MATN2: variants seen among roughly 807,000 people sequenced by gnomAD.
The protein encoded by MATN2 is matrilin 2.
MATN2 carries 69 observed loss-of-function variants against 103.2 expected under a neutral mutation model. The ratio of observed to expected loss-of-function variants is 0.67; its 90% confidence interval spans 0.55 to 0.82. The LOEUF (loss-of-function observed/expected upper bound fraction) is 0.82. Ranked by LOEUF, MATN2 falls within the 40% of genes least tolerant of loss-of-function variation. The pLI is 0.00. For missense variants in MATN2, 1,023 were observed against 1,211.5 expected (o/e 0.84, Z 2.31); for synonymous variants, 429 against 450.2 (o/e 0.95, Z 0.60).
intron 2 of MATN2, among the ~76,000 whole-genome samples, chr8:97,899,246 G>T (rs1320330192): frequency 6.6e-6 from 1 of 152,132 alleles, no homozygotes; most frequent in African/African-American, 2.4e-5. Flanking sequence ...CTGCTTAATT[G>T]TCTGTGTAGT....
At chr8:98,018,814 G>A (rs1813467791) in intron 12 of MATN2, among the ~76,000 whole-genome samples, 1 of 152,042 alleles carries the variant, frequency 6.6e-6, no homozygotes, top group Non-Finnish European at 1.5e-5. Flanking sequence ...CAACACGTGG[G>A]AATTGTGGGA....
chr8:97,922,096 G>A (rs1324824717), intron 2 of MATN2, among the ~76,000 whole-genome samples: 1 of 152,118 alleles, frequency 6.6e-6, no homozygotes, highest in Non-Finnish European at 1.5e-5. Context: ...AGGTGAAACA[G>A]TCCCCCTCTT....
At chr8:98,015,508 C>A (rs1813329750) in intron 10 of MATN2, among the ~76,000 whole-genome samples, 1 of 152,208 alleles carries the variant, frequency 6.6e-6, no homozygotes, top group Non-Finnish European at 1.5e-5. Context: ...CCAAGCAGCT[C>A]CCGTTGCTGC....
intron 2 of MATN2, among the ~76,000 whole-genome samples, chr8:97,911,193 A>G (rs1274427204): frequency 6.6e-6 from 1 of 151,488 alleles, no homozygotes; most frequent in Non-Finnish European, 1.5e-5. Flanking sequence ...GGGTCTCACC[A>G]TATTGGCCAG....
chr8:97,911,163 T>TG (rs1451744810), intron 2 of MATN2, among the ~76,000 whole-genome samples: 8 of 149,206 alleles, frequency 5.4e-5, no homozygotes, highest in African/African-American at 2.0e-4. Context: ...TAATTTTTTT[T>TG]TGTATTTTCG....
intron 1 of MATN2, among the ~76,000 whole-genome samples, chr8:97,872,718 C>T (rs1817937302): frequency 1.3e-5 from 2 of 152,104 alleles, no homozygotes; most frequent in East Asian, 1.9e-4. Context: ...GTGTCTCCCT[C>T]TTACAAAACC....
At chr8:97,990,612 T>A (rs1344660116) in intron 6 of MATN2, among the ~76,000 whole-genome samples, 1 of 152,304 alleles carries the variant, frequency 6.6e-6, no homozygotes, top group South Asian at 2.1e-4. Flanking sequence ...TGTGGTATAA[T>A]CACATAGTGA....
At chr8:97,981,682 A>T (rs570160019) in intron 6 of MATN2, among the ~76,000 whole-genome samples, 5 of 152,246 alleles carry the variant, frequency 3.3e-5, no homozygotes, top group African/African-American at 1.2e-4. Context: ...GGAGAAAAAC[A>T]CATATCCTAG....
In MATN2 at chr8:97,895,606, T is replaced by C. The variant is rs1818783125; in HGVS notation, c.142+7364T>C. Among the ~76,000 whole-genome samples, 3 of 152,188 alleles carry C rather than the reference T, an allele frequency of 2.0e-5. No individual in the cohort carries two copies. The South Asian group carries it at 6.2e-4, about 31-fold the overall frequency. ...AATAGTGATACTTACCTCAGAGGGA[T>C]TCACATTTTAGCTATTTTTGCACTT... On this transcript the variant is annotated intron_variant, in intron 2 of 18. Coordinates refer to ENST00000254898, the MANE Select transcript of MATN2 (RefSeq NM_002380.5).
At chr8:97,933,868 C>T (rs1428399693) in intron 3 of MATN2, among the ~76,000 whole-genome samples, 1 of 152,164 alleles carries the variant, frequency 6.6e-6, no homozygotes, top group African/African-American at 2.4e-5. Flanking sequence ...TTATCAACTT[C>T]ATGGTAAAGA....
intron 1 of MATN2, among the ~76,000 whole-genome samples, chr8:97,880,766 T>C (rs1818228472): frequency 1.3e-5 from 2 of 152,188 alleles, no homozygotes; most frequent in Admixed American, 1.3e-4. Context: ...AAAATCCTGC[T>C]ACAATGGGAT....
chr8:97,996,213 T>C (rs368185745), intron 7 of MATN2, among the ~76,000 whole-genome samples: 8 of 152,374 alleles, frequency 5.3e-5, no homozygotes, highest in African/African-American at 1.9e-4. Context: ...GGACATTTTC[T>C]TGACGTTCTG....
chr8:97,956,442 G>T (rs1344915237), intron 4 of MATN2, among the ~76,000 whole-genome samples: 3 of 152,212 alleles, frequency 2.0e-5, no homozygotes, highest in African/African-American at 7.2e-5. Context: ...CTCCGAAAAT[G>T]CTGGGATTAT....
At chr8:97,995,915 T>TA (rs772383096) in intron 7 of MATN2, among the ~76,000 whole-genome samples, 1 of 152,198 alleles carries the variant, frequency 6.6e-6, no homozygotes, top group Non-Finnish European at 1.5e-5. Flanking sequence ...AACAATTAGA[T>TA]AAGCTATTTT....
intron 7 of MATN2, among the ~76,000 whole-genome samples, chr8:97,997,789 G>A (rs945401924): frequency 2.0e-5 from 3 of 150,440 alleles, no homozygotes; most frequent in Non-Finnish European, 3.0e-5. Flanking sequence ...ACTGTTAAAC[G>A]TCTGCTAAAA....
chr8:97,961,313 G>C, intron 4 of MATN2, 95 bp from the exon 5 acceptor site: 1 of 1,272,792 alleles, frequency 7.9e-7, no homozygotes, highest in East Asian at 2.6e-5. Flanking sequence ...AGTTACTTTG[G>C]TGAGGGCTCT....
At chr8:97,909,514 G>A (rs1342350621) in intron 2 of MATN2, among the ~76,000 whole-genome samples, 1 of 152,168 alleles carries the variant, frequency 6.6e-6, no homozygotes, top group Non-Finnish European at 1.5e-5. Flanking sequence ...AGGCCTCAGT[G>A]AGAAGGTGAC....
In MATN2 at chr8:97,975,302, C is replaced by T. The variant is rs546827902; in HGVS notation, c.959-3584C>T. Among the ~76,000 whole-genome samples, 117 of 152,160 alleles carry T rather than the reference C, an allele frequency of 7.7e-4. 1 individual carries two copies. The Middle Eastern group carries it at 0.02, about 27-fold the overall frequency. On this transcript the variant is annotated intron_variant, in intron 5 of 18. Transcript: ENST00000254898. ...AGTACAACTTTTTTCTTGAAACACC[C>T]GAGCCAATTTGGATACTCTATTCTA...
At chr8:97,897,630 A>C (rs983711726) in intron 2 of MATN2, among the ~76,000 whole-genome samples, 1 of 152,166 alleles carries the variant, frequency 6.6e-6, no homozygotes, top group Non-Finnish European at 1.5e-5. Context: ...TTTTTTTTTA[A>C]ACCTTTGAAG....
Sources: gnomAD v4.1 joint callset for allele counts (sites outside exome capture counted in the v4.1 genomes callset) on GRCh38, gnomAD v4.1.1 for gene constraint, MANE v1.5 for transcripts, NCBI Gene and HGNC (gene_info 2026-07-23, HGNC 2026-07-21) for gene names.